The following DRC1 variants were observed in gnomAD, a reference collection of about 807,000 sequenced individuals.
DRC1 encodes the protein dynein regulatory complex protein 1.
In DRC1, 74 loss-of-function variants were observed where a neutral mutation model predicts 98.7. That is an observed-to-expected ratio of 0.75 (90% confidence interval 0.62 to 0.91). The LOEUF (loss-of-function observed/expected upper bound fraction) is 0.91, where lower values mean the gene tolerates loss of function less well. Among genes scored for constraint, DRC1 ranks in the 40% least tolerant of loss-of-function variants. The pLI is 0.00. For missense variants in DRC1, 875 were observed against 886.0 expected, an observed-to-expected ratio of 0.99 and a Z score of 0.16; for synonymous variants, 336 against 334.1, an observed-to-expected ratio of 1.01 and a Z score of -0.06.
intron 13 of DRC1, 109 bp from the exon 14 acceptor site, chr2:26,453,211 C>A: frequency 1.5e-6 from 2 of 1,324,022 alleles, no homozygotes; most frequent in South Asian, 1.4e-5. Flanking sequence ...TCTCCCTGGG[C>A]AAGCTGTCAC....
At chr2:26,434,788 G>A (rs1218500572) in intron 7 of DRC1, among the ~76,000 whole-genome samples, 1 of 152,126 alleles carries the variant, frequency 6.6e-6, no homozygotes, top group Non-Finnish European at 1.5e-5. Context: ...CTACTCAGTA[G>A]GCTGAGGCAG....
chr2:26,426,389 C>T (rs148549271), intron 4 of DRC1, among the ~76,000 whole-genome samples: 3,401 of 147,370 alleles, frequency 0.023, 124 homozygotes, highest in African/African-American at 0.08. Flanking sequence ...TTTTTTGAGA[C>T]TGAGTCTTGC....
At chr2:26,422,608 A>G (rs186215426) in intron 3 of DRC1, among the ~76,000 whole-genome samples, 1 of 152,312 alleles carries the variant, frequency 6.6e-6, no homozygotes, top group East Asian at 1.9e-4. Flanking sequence ...TTAATTTCTT[A>G]AACAATTAGA....
intron 13 of DRC1, 41 bp from the exon 14 acceptor site, chr2:26,453,279 G>A (rs202112892): frequency 2.4e-5 from 38 of 1,609,332 alleles, no homozygotes; most frequent in African/African-American, 4.0e-5. Flanking sequence ...GCTCATGCTC[G>A]TGTGTCCCCA....
At chr2:26,445,522 G>T (rs1430069982) in intron 10 of DRC1, among the ~76,000 whole-genome samples, 8 of 152,116 alleles carry the variant, frequency 5.3e-5, no homozygotes, top group Admixed American at 5.2e-4. Context: ...GAATGCATGA[G>T]TTTAAACAAA....
At chr2:26,415,338 C>T (rs1678762444) in intron 2 of DRC1, among the ~76,000 whole-genome samples, 1 of 152,040 alleles carries the variant, frequency 6.6e-6, no homozygotes, top group Non-Finnish European at 1.5e-5. Context: ...ACCAAGCTGG[C>T]CTGGTCAGGG....
intron 1 of DRC1, among the ~76,000 whole-genome samples, chr2:26,403,072 A>G (rs139591461): frequency 2.9e-4 from 44 of 152,374 alleles, no homozygotes; most frequent in African/African-American, 1.0e-3. Flanking sequence ...TGAATTTCAT[A>G]TACTGTTCAT....
At chr2:26,453,171 C>T in intron 13 of DRC1, 149 bp from the exon 14 acceptor site, 1 of 885,748 alleles carries the variant, frequency 1.1e-6, no homozygotes, top group Non-Finnish European at 1.7e-6. Flanking sequence ...TCTTCCCACT[C>T]TTTCTCCTGT....
At chr2:26,428,879 A>G (rs563462181) in intron 4 of DRC1, among the ~76,000 whole-genome samples, 5 of 152,316 alleles carry the variant, frequency 3.3e-5, no homozygotes, top group Non-Finnish European at 7.3e-5. Context: ...GTTGCTATGC[A>G]GCACATGACC....
chr2:26,421,751 G>C (rs1214758873), intron 3 of DRC1, among the ~76,000 whole-genome samples: 1 of 151,944 alleles, frequency 6.6e-6, no homozygotes, highest in Non-Finnish European at 1.5e-5. Context: ...GTAGAGACGG[G>C]GTTTCACCAT....
chr2:26,451,313 T>C (rs965546585), intron 13 of DRC1, among the ~76,000 whole-genome samples: 5 of 152,224 alleles, frequency 3.3e-5, no homozygotes, highest in African/African-American at 7.2e-5. Flanking sequence ...ATTTTGATCC[T>C]TAACACTTTC....
chr2:26,425,412 T>C (rs1274401906), intron 4 of DRC1, among the ~76,000 whole-genome samples: 2 of 152,352 alleles, frequency 1.3e-5, no homozygotes, highest in South Asian at 2.1e-4. Flanking sequence ...TTTGAGATAC[T>C]TCTTTGAATT....
In DRC1 at chr2:26,440,438, G is replaced by C; in HGVS notation, c.949G>C (p.Glu317Gln). Reference sequence around the variant, plus strand: ...TTATCAGCTAAACCAAGAGAAATTAGAGTACAACTTGCAGGTGCTGAAGAA... The same window carrying C: ...TTATCAGCTAAACCAAGAGAAATTACAGTACAACTTGCAGGTGCTGAAGAA... ...AIYQLNQEKL[E>Q]YNLQVLKKRD... Residue 317 changes from glutamate to glutamine, a missense_variant, in exon 8 of 17, where the codon GAG becomes CAG. By Grantham distance (29) the Glu-to-Gln change is conservative. Transcript: ENST00000288710. The C allele has an allele frequency of 6.2e-7, 1 of 1,613,332 alleles. No homozygotes were observed. The highest frequency in any genetic ancestry group is 8.5e-7 in the Non-Finnish European group (1 of 1,179,704).
At position 26,447,215 on chromosome 2, in the gene DRC1, C is replaced by T. The variant is rs553408619; in HGVS notation, c.1397-1476C>T. ...GGATCATGAGGTCAGGAGTTTGAGA[C>T]CAGCCTGACCAACATGGTGAAACCC... On this transcript the variant is annotated intron_variant, in intron 10 of 16. Coordinates refer to ENST00000288710, the MANE Select transcript of DRC1 (RefSeq NM_145038.5). Among the ~76,000 whole-genome samples the T allele has an allele frequency of 5.1e-4, 78 of 152,224 alleles. 1 individual carries two copies. In the Middle Eastern group the frequency reaches 0.01, roughly 20 times the overall value.
Position 26,424,259 on chromosome 2 carries a change from A to G in DRC1, c.357-12A>G, listed in dbSNP as rs967388314. 1.2e-6 allele frequency: 2 copies of G among 1,613,750 alleles called. No homozygotes were observed. Among genetic ancestry groups the G allele is most frequent in the African/African-American group, 1.3e-5 (1 of 74,984 alleles). On this transcript the variant is annotated splice_polypyrimidine_tract_variant and intron_variant, in intron 3 of 16. Transcript: ENST00000288710. Reference sequence around the variant, plus strand: ...AGCTGGGTTGGCATGGCTGGCATGTATGTATTTGCAGGATTGAGAAGCTGG... The same window carrying G: ...AGCTGGGTTGGCATGGCTGGCATGTGTGTATTTGCAGGATTGAGAAGCTGG...
intron 4 of DRC1, among the ~76,000 whole-genome samples, chr2:26,427,502 A>G (rs987083674): frequency 3.3e-5 from 5 of 152,144 alleles, no homozygotes; most frequent in African/African-American, 1.2e-4. Context: ...CAGCCATACA[A>G]TGTGTGATAA....
chr2:26,429,185 GATTATTATTATTATTATT>G (rs10555604), intron 4 of DRC1, among the ~76,000 whole-genome samples: 776 of 30,882 alleles, frequency 0.025, 6 homozygotes, highest in Non-Finnish European at 0.05. Flanking sequence ...TTGTACAGAT[GATTATTATTATTATTATT>G]ATTATTATTA....
chr2:26,437,905 A>G (rs1208334765), intron 7 of DRC1, among the ~76,000 whole-genome samples: 1 of 151,894 alleles, frequency 6.6e-6, no homozygotes, highest in East Asian at 1.9e-4. Flanking sequence ...CCTGGCCAAC[A>G]TGGTGAAACC....
chr2:26,440,338 TG>T, intron 7 of DRC1, 39 bp from the exon 8 acceptor site: 1 of 1,533,674 alleles, frequency 6.5e-7, no homozygotes, highest in African/African-American at 1.4e-5. Flanking sequence ...TGTGTGTGTG[TG>T]TGTGTGTATA....
Sources: gnomAD v4.1 joint callset for allele counts (sites outside exome capture counted in the v4.1 genomes callset) on GRCh38, gnomAD v4.1.1 for gene constraint, MANE v1.5 for transcripts, NCBI Gene and HGNC (gene_info 2026-07-23, HGNC 2026-07-21) for gene names.